CCDC3: variants seen among roughly 807,000 people sequenced by gnomAD.
CCDC3 encodes the protein coiled-coil domain-containing protein 3.
In CCDC3, 24 loss-of-function variants were observed where a neutral mutation model predicts 21.4. That is an observed-to-expected ratio of 1.12 (90% CI 0.81 to 1.58). The LOEUF is 1.58. Among genes scored for constraint, CCDC3 ranks in the 40% most tolerant of loss-of-function variants. The pLI is 0.00. For synonymous variants in CCDC3, 186 were observed against 166.0 expected, an observed-to-expected ratio of 1.12 and a Z score of -0.93; for missense variants, 425 against 360.9, an observed-to-expected ratio of 1.18 and a Z score of -1.44.
intron 2 of CCDC3, among the ~76,000 whole-genome samples, chr10:12,927,028 T>C (rs538730679): frequency 6.6e-6 from 1 of 152,222 alleles, no homozygotes; most frequent in Non-Finnish European, 1.5e-5. Context: ...AGTAGTATAT[T>C]AGCAACCAAG....
At chr10:13,063,237 C>T (rs2131434067) in intron 4 of CCDC3, among the ~76,000 whole-genome samples, 1 of 39,694 alleles carries the variant, frequency 2.5e-5, no homozygotes, top group African/African-American at 1.1e-4. Flanking sequence ...GTTCCCCTGT[C>T]TTGATTTATC....
intron 2 of CCDC3, among the ~76,000 whole-genome samples, chr10:12,968,400 C>T (rs903601136): frequency 6.6e-6 from 1 of 152,122 alleles, no homozygotes; most frequent in Admixed American, 6.5e-5. Context: ...CAAGGCTGTA[C>T]TTCAGAAATG....
chr10:13,048,048 C>A (rs764161468), intron 5 of CCDC3, among the ~76,000 whole-genome samples: 28 of 152,124 alleles, frequency 1.8e-4, no homozygotes, highest in Non-Finnish European at 3.1e-4. Context: ...ATGCACCTCA[C>A]GCGCAATGTA....
upstream of CCDC3, among the ~76,000 whole-genome samples, chr10:13,002,746 T>C (rs993030191): frequency 6.6e-6 from 1 of 152,228 alleles, no homozygotes; most frequent in Non-Finnish European, 1.5e-5. Flanking sequence ...TAAAATACTC[T>C]AGTCTGGTGG....
chr10:12,957,670 G>A (rs992502478), intron 2 of CCDC3, among the ~76,000 whole-genome samples: 9 of 152,032 alleles, frequency 5.9e-5, no homozygotes, highest in African/African-American at 9.7e-5. Flanking sequence ...CTAAGCGTGC[G>A]GCACCTCCCT....
intron 5 of CCDC3, among the ~76,000 whole-genome samples, chr10:13,023,478 A>G (rs923801156): frequency 6.6e-6 from 1 of 152,156 alleles, no homozygotes. Flanking sequence ...CTTAGTGGCT[A>G]GGTTTCAAGA....
intron 2 of CCDC3, among the ~76,000 whole-genome samples, chr10:12,979,654 G>A (rs1375850512): frequency 1.3e-5 from 2 of 152,062 alleles, no homozygotes; most frequent in Non-Finnish European, 2.9e-5. Flanking sequence ...TTACAAGCAC[G>A]AGTCACCACA....
chr10:13,005,813 G>A (rs569982201), upstream of CCDC3, among the ~76,000 whole-genome samples: 2 of 152,278 alleles, frequency 1.3e-5, no homozygotes, highest in South Asian at 4.2e-4. Flanking sequence ...CTTGAAACTG[G>A]CAGCCTTAGA....
intron 3 of CCDC3, among the ~76,000 whole-genome samples, chr10:13,091,296 G>T (rs1010160163): frequency 2.0e-5 from 3 of 152,152 alleles, no homozygotes; most frequent in Admixed American, 6.5e-5. Context: ...GCCATCACAG[G>T]AGGTGAAGCC....
intron 2 of CCDC3, among the ~76,000 whole-genome samples, chr10:12,936,394 G>A (rs1834738393): frequency 6.6e-6 from 1 of 151,938 alleles, no homozygotes; most frequent in Non-Finnish European, 1.5e-5. Context: ...ATCTCACTCT[G>A]TTGCCCAGGC....
exon 4 of CCDC3, chr10:13,073,906 T>C (rs933582573): frequency 6.6e-6 from 1 of 152,100 alleles, no homozygotes; most frequent in East Asian, 1.9e-4. Flanking sequence ...CAGTAGGAAG[T>C]ATCCTCTCTC....
intron 5 of CCDC3, among the ~76,000 whole-genome samples, chr10:13,041,201 G>T (rs7082198): frequency 0.3 from 45,028 of 151,994 alleles, 7,172 homozygotes; most frequent in Non-Finnish European, 0.36. Flanking sequence ...CTATTCATCT[G>T]GGCCCTTTGA....
In CCDC3 at chr10:13,042,278, T is replaced by C. The variant is rs533821922; in HGVS notation, c.-2+7396A>G. Among the ~76,000 whole-genome samples, 6 of 152,344 alleles carry C rather than the reference T, an allele frequency of 3.9e-5. No homozygotes were observed. In the East Asian group the frequency reaches 7.7e-4, roughly 20 times the overall value. On this transcript the variant is annotated intron_variant, in intron 5 of 6. Transcript: ENST00000378839. ...CTGCAAATCTGCAAATCATTGCTAA[T>C]TGTTGAGATGGTTGGTGGGTGGACT...
At chr10:13,056,143 A>G (rs555290408) in intron 4 of CCDC3, among the ~76,000 whole-genome samples, 1 of 152,328 alleles carries the variant, frequency 6.6e-6, no homozygotes, top group South Asian at 2.1e-4. Flanking sequence ...GTAACAGCCC[A>G]ACGTAGATCC....
chr10:13,061,421 C>T (rs1346712804), intron 4 of CCDC3, among the ~76,000 whole-genome samples: 1 of 152,166 alleles, frequency 6.6e-6, no homozygotes, highest in Non-Finnish European at 1.5e-5. Context: ...CTGGGAGCAT[C>T]CCCTCTGGTC....
intron 4 of CCDC3, among the ~76,000 whole-genome samples, chr10:13,062,552 T>A (rs1836770180): frequency 6.6e-6 from 1 of 152,188 alleles, no homozygotes; most frequent in Admixed American, 6.5e-5. Context: ...TGACAGACAG[T>A]GAAAGCTTAT....
intron 2 of CCDC3, among the ~76,000 whole-genome samples, chr10:12,964,058 A>T (rs907767238): frequency 1.3e-5 from 2 of 152,076 alleles, no homozygotes; most frequent in Non-Finnish European, 2.9e-5. Flanking sequence ...GGTTGTGGAG[A>T]GGGAGAAGTT....
chr10:13,000,924 C>T (rs1049750332), intron 1 of CCDC3, among the ~76,000 whole-genome samples: 1 of 152,188 alleles, frequency 6.6e-6, no homozygotes, highest in African/African-American at 2.4e-5. Context: ...TTGGAGGGCG[C>T]TTTGAGCTTC....
At chr10:13,027,728 A>AC (rs1836242079) in intron 5 of CCDC3, among the ~76,000 whole-genome samples, 1 of 150,532 alleles carries the variant, frequency 6.6e-6, no homozygotes, top group Admixed American at 6.6e-5. Context: ...ATTAAAAAAA[A>AC]AAAACAAAAA....
Sources: allele counts gnomAD v4.1 joint callset (sites outside exome capture counted in the v4.1 genomes callset), GRCh38; gene constraint gnomAD v4.1.1; transcripts MANE v1.5; gene names NCBI Gene and HGNC (gene_info 2026-07-23, HGNC 2026-07-21).